Variants in ERC1 observed in about 807,000 individuals in gnomAD.
ERC1 encodes the protein ELKS/RAB6-interacting/CAST family member 1.
In ERC1, 56 loss-of-function variants were observed where a neutral mutation model predicts 132.0. The observed-to-expected ratio is 0.42, with a 90% CI of 0.34 to 0.53. The LOEUF (loss-of-function observed/expected upper bound fraction) is 0.53, where lower values mean the gene tolerates loss of function less well. Ranked by LOEUF, ERC1 falls within the 20% of genes least tolerant of loss-of-function variation. The pLI is 0.03. For synonymous variants in ERC1, 478 were observed against 476.1 expected, an observed-to-expected ratio of 1.00 and a Z score of -0.05; for missense variants, 1,202 against 1,349.9, an observed-to-expected ratio of 0.89 and a Z score of 1.72.
intron 15 of ERC1, among the ~76,000 whole-genome samples, chr12:1,342,468 C>CAAAAAAAAA (rs567114711): frequency 2.6e-5 from 3 of 113,374 alleles, no homozygotes; most frequent in South Asian, 3.0e-4. Context: ...AACTCTGTCT[C>CAAAAAAAAA]AAAAAAAAAA....
chr12:1,440,714 C>A (rs1319418487), intron 17 of ERC1, among the ~76,000 whole-genome samples: 1 of 148,812 alleles, frequency 6.7e-6, no homozygotes, highest in East Asian at 2.0e-4. Flanking sequence ...GTGGTGTGAT[C>A]TCAGCTCACT....
chr12:1,309,022 T>C (rs774941980), intron 15 of ERC1, among the ~76,000 whole-genome samples: 25 of 152,194 alleles, frequency 1.6e-4, no homozygotes, highest in Non-Finnish European at 2.6e-4. Context: ...TGTGAGTAGA[T>C]GCCATCTGTG....
chr12:1,452,666 A>C (rs2093450049), intron 18 of ERC1, among the ~76,000 whole-genome samples: 1 of 152,010 alleles, frequency 6.6e-6, no homozygotes, highest in Non-Finnish European at 1.5e-5. Context: ...TTCTGTTATT[A>C]GTTTGGATAA....
intron 17 of ERC1, among the ~76,000 whole-genome samples, chr12:1,434,945 CGA>C (rs563866291): frequency 6.6e-6 from 1 of 152,066 alleles, no homozygotes; most frequent in African/African-American, 2.4e-5. Flanking sequence ...CTTAACGTTT[CGA>C]GAGAGAGAGA....
intron 2 of ERC1, among the ~76,000 whole-genome samples, chr12:1,061,252 T>A (rs184024135): frequency 6.6e-6 from 1 of 152,178 alleles, no homozygotes; most frequent in East Asian, 1.9e-4. Context: ...TTGAGTCTTC[T>A]CTCTTCTTAG....
chr12:1,071,648 C>T (rs895144161), intron 2 of ERC1, among the ~76,000 whole-genome samples: 2 of 151,424 alleles, frequency 1.3e-5, no homozygotes, highest in African/African-American at 2.4e-5. Context: ...TTATAGTGGT[C>T]TCTTTCTTTT....
chr12:1,002,769 T>C (rs1159661162), intron 1 of ERC1, among the ~76,000 whole-genome samples: 1 of 152,204 alleles, frequency 6.6e-6, no homozygotes, highest in Non-Finnish European at 1.5e-5. Context: ...CACTTATTAC[T>C]AATGAGGTTG....
At position 1,458,672 on chromosome 12, in the gene ERC1, C is replaced by T. The variant is rs185557640; in HGVS notation, c.3213+13922C>T. Reference sequence around the variant, plus strand: ...GCCTCAGCCTCCCGAGTAACTGAATCGGATTACAGGCATGCGCCACCATGC... The same window carrying T: ...GCCTCAGCCTCCCGAGTAACTGAATTGGATTACAGGCATGCGCCACCATGC... On this transcript the variant is annotated intron_variant, in intron 18 of 18. Coordinates refer to ENST00000360905, the MANE Select transcript of ERC1 (RefSeq NM_178040.4). Among the ~76,000 whole-genome samples the T allele has an allele frequency of 3.6e-3, 540 of 152,022 alleles. 3 individuals carry two copies. Among genetic ancestry groups the T allele is most frequent in the African/African-American group, 0.012 (503 of 41,444 alleles).
At chr12:1,067,802 ATAGT>A (rs1411904340) in intron 2 of ERC1, among the ~76,000 whole-genome samples, 1 of 152,116 alleles carries the variant, frequency 6.6e-6, no homozygotes, top group Non-Finnish European at 1.5e-5. Flanking sequence ...TGTTATAATG[ATAGT>A]TCTCTATTTA....
chr12:1,426,682 A>G (rs968755866), intron 17 of ERC1, among the ~76,000 whole-genome samples: 1 of 152,186 alleles, frequency 6.6e-6, no homozygotes, highest in Admixed American at 6.5e-5. Flanking sequence ...TGGTATAGTA[A>G]TGCATACTAT....
At chr12:1,254,598 C>T (rs2076671766) in intron 13 of ERC1, among the ~76,000 whole-genome samples, 1 of 152,038 alleles carries the variant, frequency 6.6e-6, no homozygotes, top group Non-Finnish European at 1.5e-5. Context: ...CTGCAACCAC[C>T]GCCTCCCCGG....
In ERC1 at chr12:1,133,826, C is replaced by T. The variant is rs531574196; in HGVS notation, c.1570-7794C>T. ...CTCTCCCTGTTCCTATCCCCAGCCC[C>T]TGGTAACCACCATTCTCTTCTCTGT... On this transcript the variant is annotated intron_variant, in intron 7 of 18. Coordinates refer to ENST00000360905, the MANE Select transcript of ERC1 (RefSeq NM_178040.4). Among the ~76,000 whole-genome samples the T allele has an allele frequency of 2.6e-5, 4 of 152,336 alleles. No individual in the cohort carries two copies. The East Asian group carries it at 7.7e-4, about 29-fold the overall frequency.
At chr12:1,006,700 C>CTT (rs58641303) in intron 1 of ERC1, among the ~76,000 whole-genome samples, 1 of 151,718 alleles carries the variant, frequency 6.6e-6, no homozygotes, top group Non-Finnish European at 1.5e-5. Flanking sequence ...CTGGCCTTTT[C>CTT]TTTTTTTATT....
intron 2 of ERC1, among the ~76,000 whole-genome samples, chr12:1,051,542 A>C (rs1452419929): frequency 8.9e-4 from 19 of 21,252 alleles, no homozygotes; most frequent in Admixed American, 2.7e-3. Flanking sequence ...AAAAAAAAAA[A>C]AAAAAAAAAA....
At chr12:1,133,266 A>G (rs1177169643) in intron 7 of ERC1, among the ~76,000 whole-genome samples, 1 of 152,118 alleles carries the variant, frequency 6.6e-6, no homozygotes, top group Non-Finnish European at 1.5e-5. Flanking sequence ...AGCATGTAGT[A>G]ATTAGATGCA....
rs1367812988 is a variant in ERC1, at chr12:1,094,528, A to C, written c.1087-10222A>C. Among the ~76,000 whole-genome samples, 3 of 150,856 alleles carry C rather than the reference A, an allele frequency of 2.0e-5. No individual in the cohort carries two copies. In the Admixed American group the frequency reaches 2.0e-4, roughly 10 times the overall value. On this transcript the variant is annotated intron_variant, in intron 3 of 18. Coordinates refer to ENST00000360905, the MANE Select transcript of ERC1 (RefSeq NM_178040.4). ...TGGGTTCAAGTGATTCTCCTGCCTC[A>C]GCCTCCCAAATAGCTGGGATTACAG...
intron 10 of ERC1, among the ~76,000 whole-genome samples, 176 bp downstream of exon 10, chr12:1,182,241 G>A (rs1335328710): frequency 1.3e-5 from 2 of 152,206 alleles, no homozygotes; most frequent in African/African-American, 4.8e-5. Flanking sequence ...CAGAGACATA[G>A]CGGATTGGTT....
chr12:1,136,096 C>A (rs1028971618), intron 7 of ERC1, among the ~76,000 whole-genome samples: 2 of 152,200 alleles, frequency 1.3e-5, no homozygotes, highest in African/African-American at 4.8e-5. Flanking sequence ...AACCTGGGAA[C>A]CCATGTTTGA....
chr12:1,317,688 C>G (rs2081860716), intron 15 of ERC1, among the ~76,000 whole-genome samples: 1 of 152,210 alleles, frequency 6.6e-6, no homozygotes, highest in African/African-American at 2.4e-5. Context: ...ACTAGCCCCA[C>G]TTTCACACAA....
Sources: gnomAD v4.1 joint callset for allele counts (sites outside exome capture counted in the v4.1 genomes callset) on GRCh38, gnomAD v4.1.1 for gene constraint, MANE v1.5 for transcripts, NCBI Gene and HGNC (gene_info 2026-07-23, HGNC 2026-07-21) for gene names.